The following PALS1 variants were observed in gnomAD, a reference collection of about 807,000 sequenced individuals.
PALS1 encodes protein associated with LIN7 1, MAGUK p55 family member, also known as protein PALS1.
A neutral mutation model predicts 78.9 loss-of-function variants in PALS1; 31 were observed. That is an observed-to-expected ratio of 0.39 (90% CI 0.30 to 0.53). The LOEUF is 0.53. Ranked by LOEUF, PALS1 falls within the 20% of genes least tolerant of loss-of-function variation. The pLI is 0.67. For synonymous variants in PALS1, 276 were observed against 270.9 expected (o/e 1.02, Z -0.18); for missense variants, 704 against 826.5 (o/e 0.85, Z 1.82).
chr14:67,292,829 C>A, intron 4 of PALS1, 110 bp downstream of exon 4: 1 of 770,826 alleles, frequency 1.3e-6, no homozygotes, highest in Non-Finnish European at 2.0e-6. Flanking sequence ...GAATTAATTA[C>A]TGTTAATTAC....
In PALS1 at chr14:67,333,221, T is replaced by C; in HGVS notation, c.*265T>C. On this transcript the variant is annotated 3_prime_UTR_variant, in exon 15 of 15. Transcript: ENST00000261681. ...GAAGCTTTCAACAGAGCATTCCATT[T>C]TGTCCTGTTAAAACCTTTTGTTTTC... 1 of 308,566 alleles carries C rather than the reference T, an allele frequency of 3.2e-6. No homozygotes were observed. Among genetic ancestry groups the C allele is most frequent in the Non-Finnish European group, 6.0e-6 (1 of 166,940 alleles). The allele number at this position is 308,566 out of a possible 1,614,324, so 19.1% of individuals were successfully genotyped here. A position where few individuals can be genotyped will look rare whatever the true frequency, so the allele number is the denominator to read the frequency against.
intron 8 of PALS1, among the ~76,000 whole-genome samples, chr14:67,308,279 T>A (rs2085036343): frequency 1.3e-5 from 2 of 149,018 alleles, no homozygotes. Flanking sequence ...GCCAACCTAA[T>A]ACTTAGACAA....
chr14:67,250,605 A>T (rs1394687092), intron 1 of PALS1, among the ~76,000 whole-genome samples: 1 of 152,216 alleles, frequency 6.6e-6, no homozygotes, highest in African/African-American at 2.4e-5. Context: ...CACACTGTTC[A>T]TACAATATGC....
chr14:67,264,676 T>TG (rs1320592068), intron 1 of PALS1, among the ~76,000 whole-genome samples: 1 of 152,212 alleles, frequency 6.6e-6, no homozygotes, highest in African/African-American at 2.4e-5. Flanking sequence ...AAATTGTAAA[T>TG]GCAACAGTGT....
chr14:67,278,209 G>C (rs530674333), intron 2 of PALS1, among the ~76,000 whole-genome samples: 1 of 151,998 alleles, frequency 6.6e-6, no homozygotes, highest in East Asian at 1.9e-4. Flanking sequence ...GCTAGTTTTT[G>C]TATTTTTCTT....
chr14:67,307,808 G>T (rs776931653), intron 8 of PALS1, among the ~76,000 whole-genome samples: 5 of 152,018 alleles, frequency 3.3e-5, no homozygotes, highest in Non-Finnish European at 7.4e-5. Context: ...AAATATTTTG[G>T]TAGCAGAGAT....
chr14:67,274,263 A>G (rs1470035037), intron 2 of PALS1, among the ~76,000 whole-genome samples: 1 of 152,160 alleles, frequency 6.6e-6, no homozygotes, highest in East Asian at 1.9e-4. Context: ...TAGGTCTAAC[A>G]TTTAAGTCTT....
chr14:67,323,232 C>CATGTGTGTATGTGT (rs57594216), intron 13 of PALS1, among the ~76,000 whole-genome samples: 57 of 143,622 alleles, frequency 4.0e-4, no homozygotes, highest in Non-Finnish European at 3.1e-4. Context: ...CATATATACA[C>CATGTGTGTATGTGT]GTGTGTGTGT....
intron 2 of PALS1, among the ~76,000 whole-genome samples, chr14:67,277,906 A>T (rs555363216): frequency 6.6e-6 from 1 of 152,300 alleles, no homozygotes; most frequent in East Asian, 1.9e-4. Flanking sequence ...TTAAAAGTTC[A>T]GTTTTCTTAT....
chr14:67,312,976 G>A (rs555063205), intron 9 of PALS1, among the ~76,000 whole-genome samples: 20 of 152,092 alleles, frequency 1.3e-4, no homozygotes, highest in Middle Eastern at 6.8e-3. Context: ...TAAGATGACC[G>A]TATTATCGAG....
intron 14 of PALS1, among the ~76,000 whole-genome samples, chr14:67,327,448 C>T (rs1158735914): frequency 2.0e-5 from 3 of 151,122 alleles, no homozygotes; most frequent in East Asian, 3.9e-4. Context: ...TTTTTTTTTC[C>T]GGGGTGTGGG....
intron 2 of PALS1, among the ~76,000 whole-genome samples, chr14:67,278,743 C>A (rs2084550612): frequency 6.6e-6 from 1 of 152,156 alleles, no homozygotes; most frequent in Non-Finnish European, 1.5e-5. Context: ...TTTTACTTTC[C>A]TACTTTGCTA....
rs907159082 is a variant in PALS1 at position 67,279,414 on chromosome 14, A to C, written c.244A>C (p.Asn82His). Reference protein sequence around the residue: ...EEGKKQELDLNSSMRLKKLAQ... With the variant: ...EEGKKQELDLHSSMRLKKLAQ... ...AGGGAAAAAGCAAGAACTTGACCTT[A>C]ATTCTTCCATGAGACTTAAGAAACT... is the stretch of plus-strand genomic sequence containing the variant. Residue 82 changes from asparagine to histidine, a missense_variant, in exon 3 of 15, where the codon AAT becomes CAT. By Grantham distance (68) the Asn-to-His change is moderately conservative (BLOSUM62 1). Transcript: ENST00000261681. The C allele has an allele frequency of 5.0e-6, 8 of 1,614,080 alleles. No homozygotes were observed. The highest frequency in any genetic ancestry group is 5.9e-6 in the Non-Finnish European group (7 of 1,179,962).
intron 8 of PALS1, among the ~76,000 whole-genome samples, chr14:67,308,715 T>G (rs1041976032): frequency 3.3e-5 from 5 of 152,050 alleles, no homozygotes; most frequent in African/African-American, 1.2e-4. Context: ...ACAAGTACCA[T>G]CTACTGTGCC....
chr14:67,302,811 T>C (rs2140897416), intron 7 of PALS1, among the ~76,000 whole-genome samples: 1 of 143,312 alleles, frequency 7.0e-6, no homozygotes, highest in African/African-American at 2.5e-5. Flanking sequence ...GAATCAGTAA[T>C]ATAACTCATT....
intron 1 of PALS1, among the ~76,000 whole-genome samples, chr14:67,259,633 A>C (rs1312596469): frequency 6.6e-6 from 1 of 151,884 alleles, no homozygotes; most frequent in African/African-American, 2.4e-5. Flanking sequence ...GAATGCTTGC[A>C]TGCATGCTGG....
chr14:67,263,129 A>G (rs1312578166), intron 1 of PALS1, among the ~76,000 whole-genome samples: 1 of 152,120 alleles, frequency 6.6e-6, no homozygotes, highest in Non-Finnish European at 1.5e-5. Context: ...AAAGGCCTTC[A>G]ATTTTGTGTT....
intron 3 of PALS1, among the ~76,000 whole-genome samples, chr14:67,290,732 G>A (rs73282707): frequency 0.19 from 28,825 of 151,200 alleles, 4,402 homozygotes; most frequent in East Asian, 0.48. Flanking sequence ...ACAGGGCTTC[G>A]CCATGTTGCC....
At chr14:67,315,274 T>G (rs1465026764) in intron 9 of PALS1, among the ~76,000 whole-genome samples, 2 of 139,850 alleles carry the variant, frequency 1.4e-5, no homozygotes, top group African/African-American at 5.4e-5. Flanking sequence ...TTTAATTTTT[T>G]TTTTTTTTTT....
Sources: gnomAD v4.1 joint callset for allele counts (sites outside exome capture counted in the v4.1 genomes callset) on GRCh38, gnomAD v4.1.1 for gene constraint, MANE v1.5 for transcripts, NCBI Gene and HGNC (gene_info 2026-07-23, HGNC 2026-07-21) for gene names.